Variants in WDR72 observed in about 807,000 individuals in gnomAD.
The protein encoded by WDR72 is WD repeat domain 72, also known as WD repeat-containing protein 72.
In WDR72, 120 loss-of-function variants were observed where a neutral mutation model predicts 124.2. That is an observed-to-expected ratio of 0.97 (90% CI 0.83 to 1.12). WDR72 has a LOEUF of 1.12. WDR72 is among the 50% of genes most tolerant of loss of function. The pLI is 0.00. For synonymous variants in WDR72, 452 were observed against 441.7 expected (o/e 1.02, Z -0.29); for missense variants, 1,387 against 1,278.8 (o/e 1.08, Z -1.29).
At chr15:53,520,456 T>A (rs779244842) in intron 19 of WDR72, among the ~76,000 whole-genome samples, 2 of 152,008 alleles carry the variant, frequency 1.3e-5, no homozygotes, top group Non-Finnish European at 2.9e-5. Context: ...ACATTCCAGT[T>A]GAAAATGGTA....
At chr15:53,703,314 A>AT (rs1480457559) in intron 11 of WDR72, among the ~76,000 whole-genome samples, 2 of 152,134 alleles carry the variant, frequency 1.3e-5, no homozygotes, top group African/African-American at 4.8e-5. Flanking sequence ...ACCTAATTCT[A>AT]CCTCTTGGCT....
At chr15:53,577,452 T>C (rs527479738) in intron 18 of WDR72, among the ~76,000 whole-genome samples, 1 of 152,262 alleles carries the variant, frequency 6.6e-6, no homozygotes, top group Admixed American at 6.5e-5. Context: ...TACCATGTCA[T>C]TTGATCTTAC....
At chr15:53,739,229 T>C (rs1388790329) in intron 1 of WDR72, among the ~76,000 whole-genome samples, 1 of 151,394 alleles carries the variant, frequency 6.6e-6, no homozygotes, top group East Asian at 1.9e-4. Flanking sequence ...GAAGTAAGCA[T>C]CAAAAAAAAG....
intron 1 of WDR72, among the ~76,000 whole-genome samples, chr15:53,755,747 C>G (rs1007193488): frequency 1.3e-5 from 2 of 152,184 alleles, no homozygotes; most frequent in Admixed American, 1.3e-4. Flanking sequence ...TCCCACAAAG[C>G]AGGTAGAGAG....
Position 53,712,658 on chromosome 15 carries a change from G to A in WDR72, c.711+114C>T, listed in dbSNP as rs2017578698. Reference sequence around the variant, plus strand: ...AAAAGACACATCATTCCATGTTCTGGTAATACTATTACAGAGAATTTGTAT... The same window carrying A: ...AAAAGACACATCATTCCATGTTCTGATAATACTATTACAGAGAATTTGTAT... On this transcript the variant is annotated intron_variant, in intron 7 of 19. Coordinates refer to ENST00000360509, the MANE Select transcript of WDR72 (RefSeq NM_182758.4). The A allele has an allele frequency of 3.7e-6, 4 of 1,095,092 alleles. No homozygotes were observed. The East Asian group carries it at 1.0e-4, about 28-fold the overall frequency. 67.8% of individuals were successfully genotyped at this position (1,095,092 alleles called of 1,614,324 possible). A position where few individuals can be genotyped will look rare whatever the true frequency, so the allele number is the denominator to read the frequency against.
At position 53,517,280 on chromosome 15, in the gene WDR72, G is replaced by T. The variant is rs959639766; in HGVS notation, c.*419C>A. ...GGTAAAATTTTAGATTAAATACCTT[G>T]AAGCAGTATTAAATTTGTAAGTAAG... On this transcript the variant is annotated 3_prime_UTR_variant, in exon 20 of 20. Coordinates refer to ENST00000360509, the MANE Select transcript of WDR72 (RefSeq NM_182758.4). The T allele has an allele frequency of 5.8e-6, 1 of 171,760 alleles. No individual in the cohort carries two copies. The highest frequency in any genetic ancestry group is 1.3e-5 in the Non-Finnish European group (1 of 79,806). The allele number at this position is 171,760 out of a possible 1,614,324, so 10.6% of individuals were successfully genotyped here.
chr15:53,591,516 CAA>C (rs1162944502), intron 18 of WDR72, among the ~76,000 whole-genome samples: 1 of 152,108 alleles, frequency 6.6e-6, no homozygotes, highest in Admixed American at 6.6e-5. Context: ...TAGAAAGTAA[CAA>C]AGAGGAGCTC....
chr15:53,613,739 A>G lies in WDR72; in HGVS notation c.2799T>C (p.Ser933=), dbSNP rs759303382. The change falls in exon 16 of 20, where the codon AGT becomes AGC. Residue 933 remains serine, a synonymous_variant. Coordinates refer to ENST00000360509, the MANE Select transcript of WDR72 (RefSeq NM_182758.4). The stretch of plus-strand genomic sequence containing the variant: ...CAGCACCTCTCATCTTATTATGTAT[A>G]CTTTCCATTCTGAAAGAACTGTTAG... ...CRVGSSFRME[S]IHNKMRGAGN... is the part of the protein sequence containing the mutation. The G allele has an allele frequency of 6.2e-7, 1 of 1,607,362 alleles. No individual in the cohort carries two copies. The highest frequency in any genetic ancestry group is 8.5e-7 in the Non-Finnish European group (1 of 1,175,064).
At chr15:53,672,774 T>G (rs754353409) in intron 13 of WDR72, among the ~76,000 whole-genome samples, 1 of 152,174 alleles carries the variant, frequency 6.6e-6, no homozygotes, top group Non-Finnish European at 1.5e-5. Flanking sequence ...AGAAGTTGTT[T>G]CCTTGATTTT....
chr15:53,639,009 G>A (rs2014732348), intron 14 of WDR72, among the ~76,000 whole-genome samples: 2 of 151,720 alleles, frequency 1.3e-5, no homozygotes, highest in Admixed American at 6.6e-5. Context: ...AAAGAACCAT[G>A]GTCACTGCAA....
At chr15:53,758,622 G>C (rs1342430770) in intron 1 of WDR72, among the ~76,000 whole-genome samples, 1 of 152,086 alleles carries the variant, frequency 6.6e-6, no homozygotes, top group African/African-American at 2.4e-5. Flanking sequence ...TGGTTTGTAA[G>C]TGGTGAGAGC....
chr15:53,762,756 T>A (rs1343810979), upstream of WDR72: 1 of 152,168 alleles, frequency 6.6e-6, no homozygotes, highest in African/African-American at 2.4e-5. Context: ...TTAGTGGTCT[T>A]AGAGACCCTC....
chr15:53,715,306 T>G lies in WDR72; in HGVS notation c.401A>C (p.Gln134Pro), dbSNP rs1457967153. The G allele has an allele frequency of 6.2e-7, 1 of 1,614,140 alleles. No homozygotes were observed. The highest frequency in any genetic ancestry group is 8.5e-7 in the Non-Finnish European group (1 of 1,180,006). Residue 134 changes from glutamine (Q) to proline (P), a missense_variant, in exon 5 of 20, where the codon CAA (glutamine) becomes CCA (proline). Coordinates refer to ENST00000360509, the MANE Select transcript of WDR72 (RefSeq NM_182758.4). The part of the protein sequence containing the change: ...EGWLLCCGEY[Q>P]DVLIIDAKTL... ...TTTGGCATCAATTATAAGGACATCT[T>G]GATATTCTCCACAACAAAGAAGCCA...
chr15:53,574,433 T>C (rs1424761564), intron 18 of WDR72, among the ~76,000 whole-genome samples: 1 of 152,166 alleles, frequency 6.6e-6, no homozygotes, highest in Non-Finnish European at 1.5e-5. Context: ...GTGAATATAA[T>C]AGATAAAATA....
chr15:53,706,441 T>G (rs2017382453), intron 9 of WDR72, among the ~76,000 whole-genome samples: 1 of 145,374 alleles, frequency 6.9e-6, no homozygotes, highest in Non-Finnish European at 1.5e-5. Context: ...CATATTCAGT[T>G]AAATAATCCT....
chr15:53,547,500 T>C (rs1893533654), intron 18 of WDR72, among the ~76,000 whole-genome samples: 1 of 152,054 alleles, frequency 6.6e-6, no homozygotes. Context: ...ATGTGGGAGG[T>C]GCTGGGTATA....
In WDR72 at chr15:53,743,076, T is replaced by C. The variant is rs566032601; in HGVS notation, c.-12-9915A>G. The stretch of plus-strand genomic sequence containing the variant: ...TGGGCTTCAGGAAGCTCACAGCCAG[T>C]AGGTAAAAAAACAATGTAAATGAAT... On this transcript the variant is annotated intron_variant, in intron 1 of 19. Transcript: ENST00000360509. Among the ~76,000 whole-genome samples, 35 of 152,190 alleles carry C rather than the reference T, an allele frequency of 2.3e-4. 1 individual carries two copies. Among genetic ancestry groups the C allele is most frequent in the Non-Finnish European group, 4.0e-4 (27 of 68,000 alleles).
intron 14 of WDR72, among the ~76,000 whole-genome samples, chr15:53,640,664 A>C (rs1595813509): frequency 6.6e-6 from 1 of 152,290 alleles, no homozygotes; most frequent in East Asian, 1.9e-4. Flanking sequence ...ACACACTTCA[A>C]CAAATGTGGA....
Position 53,757,980 on chromosome 15 carries a change from TCTC to T in WDR72, c.-13+1650_-13+1652del, listed in dbSNP as rs1170155105. Among the ~76,000 whole-genome samples, 5 of 10,250 alleles carry T rather than the reference TCTC, an allele frequency of 4.9e-4. No individual in the cohort carries two copies. In the Non-Finnish European group the frequency reaches 0.019, roughly 39 times the overall value. 6.7% of individuals were successfully genotyped at this position (10,250 alleles called of 152,430 possible). A position where few individuals can be genotyped will look rare whatever the true frequency, so the allele number is the denominator to read the frequency against. On this transcript the variant is annotated intron_variant, in intron 1 of 19. Coordinates refer to ENST00000360509, the MANE Select transcript of WDR72 (RefSeq NM_182758.4). Reference sequence around the variant, plus strand: ...GGGAGAAACTTAAGAGTTTATTTTCTCTCTCTCTCTCTCTCTCTCTCTCTCTCT... The same window carrying T: ...GGGAGAAACTTAAGAGTTTATTTTCTTCTCTCTCTCTCTCTCTCTCTCTCT...
Sources: gnomAD v4.1 joint callset for allele counts (sites outside exome capture counted in the v4.1 genomes callset) on GRCh38, gnomAD v4.1.1 for gene constraint, MANE v1.5 for transcripts, NCBI Gene and HGNC (gene_info 2026-07-23, HGNC 2026-07-21) for gene names.